The following DNM3 variants were observed in gnomAD, a reference collection of about 807,000 sequenced individuals.
The protein encoded by DNM3 is dynamin 3.
Under a neutral mutation model 101.6 loss-of-function variants are expected in DNM3, and 47 were observed. The observed-to-expected ratio is 0.46, with a 90% CI of 0.37 to 0.59. The LOEUF is 0.59. DNM3 is among the 20% of genes least tolerant of loss of function. The probability of loss-of-function intolerance (pLI) is 0.00; values close to 1 mark genes in which losing one functional copy is unlikely to be tolerated. For synonymous variants in DNM3, 385 were observed against 387.9 expected (o/e 0.99, Z 0.09); for missense variants, 849 against 1,085.7 (o/e 0.78, Z 3.06).
At chr1:172,101,423 T>C (rs2054631085) in intron 13 of DNM3, among the ~76,000 whole-genome samples, 1 of 152,226 alleles carries the variant, frequency 6.6e-6, no homozygotes, top group Admixed American at 6.5e-5. Flanking sequence ...GTAGAGTCAC[T>C]GTGTCACTAT....
At chr1:172,038,526 T>C in intron 7 of DNM3, 65 bp downstream of exon 7, 1 of 1,582,490 alleles carries the variant, frequency 6.3e-7, no homozygotes, top group Non-Finnish European at 8.6e-7. Flanking sequence ...TCTATTGCCT[T>C]AGTCTATTTG....
chr1:172,410,965 A>G lies in DNM3; in HGVS notation c.*3124A>G, dbSNP rs2071170217. On this transcript the variant is annotated 3_prime_UTR_variant, in exon 21 of 21. Transcript: ENST00000627582. ...ATGTGTCTCTGTGTATATGGCATATACCTAGTAAGTATGTTTCTGTAAGTA... is the reference window on the plus strand; with the variant it reads ...ATGTGTCTCTGTGTATATGGCATATGCCTAGTAAGTATGTTTCTGTAAGTA... 2.0e-6 allele frequency: 2 copies of G among 985,122 alleles called. No individual in the cohort carries two copies. The highest frequency in any genetic ancestry group is 2.4e-6 in the Non-Finnish European group (2 of 829,794). 61.0% of individuals were successfully genotyped at this position (985,122 alleles called of 1,614,324 possible).
At chr1:172,008,118 T>C (rs138732938) in intron 4 of DNM3, among the ~76,000 whole-genome samples, 74 of 141,396 alleles carry the variant, frequency 5.2e-4, no homozygotes, top group African/African-American at 2.1e-3. Flanking sequence ...TCTTGTCAGA[T>C]GCACAGTTTG....
At chr1:171,920,630 T>C (rs1178346555) in intron 1 of DNM3, among the ~76,000 whole-genome samples, 2 of 152,242 alleles carry the variant, frequency 1.3e-5, no homozygotes, top group African/African-American at 4.8e-5. Flanking sequence ...TGTGAGACAT[T>C]CTAAATGTGT....
chr1:172,226,475 CA>C (rs2061127222), intron 14 of DNM3, among the ~76,000 whole-genome samples: 1 of 152,128 alleles, frequency 6.6e-6, no homozygotes, highest in South Asian at 2.1e-4. Context: ...TTTTGGACTG[CA>C]GAGTATTTCA....
At chr1:172,295,070 G>A (rs1033301431) in intron 15 of DNM3, among the ~76,000 whole-genome samples, 2 of 152,140 alleles carry the variant, frequency 1.3e-5, no homozygotes, top group African/African-American at 2.4e-5. Flanking sequence ...AAGACTCATA[G>A]ATTGAACTGG....
At chr1:172,080,885 C>G (rs944865090) in intron 11 of DNM3, among the ~76,000 whole-genome samples, 3 of 152,282 alleles carry the variant, frequency 2.0e-5, no homozygotes, top group Non-Finnish European at 1.5e-5. Flanking sequence ...GGAGGGAGTT[C>G]CCTGACCCCA....
At chr1:171,887,362 A>G (rs1351219864) in intron 1 of DNM3, among the ~76,000 whole-genome samples, 2 of 152,222 alleles carry the variant, frequency 1.3e-5, no homozygotes, top group East Asian at 3.8e-4. Context: ...CGAAATACAG[A>G]CAATATCTGT....
At chr1:172,077,619 G>A (rs549851338) in intron 11 of DNM3, among the ~76,000 whole-genome samples, 5 of 152,198 alleles carry the variant, frequency 3.3e-5, no homozygotes, top group South Asian at 2.1e-4. Flanking sequence ...GTAGTTGTGC[G>A]CTTTTGAGTT....
At chr1:172,133,120 G>A (rs2057029800) in intron 14 of DNM3, 1 of 1,408,466 alleles carries the variant, frequency 7.1e-7, no homozygotes, top group Admixed American at 3.1e-5. Context: ...GGTGTTAGCA[G>A]CAGAGACACT....
At chr1:172,182,087 A>C (rs532734126) in intron 14 of DNM3, among the ~76,000 whole-genome samples, 1 of 151,884 alleles carries the variant, frequency 6.6e-6, no homozygotes, top group African/African-American at 2.4e-5. Flanking sequence ...GGAACTTTTT[A>C]CTATTAGAAA....
chr1:172,222,619 T>C (rs911836102), intron 14 of DNM3, among the ~76,000 whole-genome samples: 2 of 152,050 alleles, frequency 1.3e-5, no homozygotes, highest in Non-Finnish European at 2.9e-5. Flanking sequence ...GAAGAAAAAA[T>C]TGGATCCTGG....
chr1:172,009,228 T>A (rs2046957946), intron 4 of DNM3, among the ~76,000 whole-genome samples: 1 of 147,214 alleles, frequency 6.8e-6, no homozygotes, highest in Non-Finnish European at 1.5e-5. Context: ...TTTTGTTTCA[T>A]TGGTGTCTGT....
chr1:171,979,615 A>G (rs538196593), intron 2 of DNM3, among the ~76,000 whole-genome samples: 6 of 152,210 alleles, frequency 3.9e-5, no homozygotes, highest in African/African-American at 1.4e-4. Flanking sequence ...ATATTCTGTA[A>G]AAGTCCCCCA....
Position 172,412,379 on chromosome 1 carries a change from T to TTA in DNM3, c.*4542_*4543dup, listed in dbSNP as rs778149368. The stretch of plus-strand genomic sequence containing the variant: ...TTCCACCAGTACTACTTGATTTGTG[T>TTA]TATATTTCCTATGTACATGTACAGC... On this transcript the variant is annotated 3_prime_UTR_variant, in exon 21 of 21. Transcript: ENST00000627582. 5.1e-6 allele frequency: 5 copies of TTA among 985,838 alleles called. No homozygotes were observed. The highest frequency in any genetic ancestry group is 6.0e-6 in the Non-Finnish European group (5 of 829,914). The allele number at this position is 985,838 out of a possible 1,614,324, so 61.1% of individuals were successfully genotyped here.
intron 15 of DNM3, among the ~76,000 whole-genome samples, chr1:172,260,243 GT>G (rs1371096487): frequency 6.6e-6 from 1 of 151,966 alleles, no homozygotes; most frequent in Admixed American, 6.6e-5. Context: ...TTCTCTTGCT[GT>G]TTTTAATTTT....
At chr1:172,311,362 A>T (rs892360424) in intron 16 of DNM3, 3 of 151,626 alleles carry the variant, frequency 2.0e-5, no homozygotes, top group African/African-American at 7.3e-5. Context: ...ACATGCAACT[A>T]TAATGTTTGT....
intron 17 of DNM3, among the ~76,000 whole-genome samples, chr1:172,367,634 A>G (rs1020865280): frequency 6.6e-6 from 1 of 151,932 alleles, no homozygotes; most frequent in Non-Finnish European, 1.5e-5. Context: ...CCCAAATTAA[A>G]AGATATAAAC....
intron 2 of DNM3, among the ~76,000 whole-genome samples, chr1:171,935,946 T>C (rs909321065): frequency 6.6e-6 from 1 of 151,860 alleles, no homozygotes; most frequent in African/African-American, 2.4e-5. Context: ...CCTGAGCACA[T>C]TTAACGTATT....
Sources: gnomAD v4.1 joint callset for allele counts (sites outside exome capture counted in the v4.1 genomes callset) on GRCh38, gnomAD v4.1.1 for gene constraint, MANE v1.5 for transcripts, NCBI Gene and HGNC (gene_info 2026-07-23, HGNC 2026-07-21) for gene names.